The following NGLY1 variants were observed in gnomAD, a reference collection of about 807,000 sequenced individuals.
The protein encoded by NGLY1 is N-glycanase 1.
NGLY1 carries 68 observed loss-of-function variants against 84.6 expected under a neutral mutation model. The ratio of observed to expected loss-of-function variants is 0.80; its 90% CI spans 0.66 to 0.98. The LOEUF (loss-of-function observed/expected upper bound fraction) is 0.98, where lower values mean the gene tolerates loss of function less well. Ranked by LOEUF, NGLY1 falls within the 50% of genes least tolerant of loss-of-function variation. The pLI is 0.00. For missense variants in NGLY1, 779 were observed against 770.2 expected, an observed-to-expected ratio of 1.01 and a Z score of -0.14; for synonymous variants, 280 against 275.2, an observed-to-expected ratio of 1.02 and a Z score of -0.17.
At chr3:25,730,764 T>C (rs1419682861) in intron 9 of NGLY1, among the ~76,000 whole-genome samples, 1 of 152,150 alleles carries the variant, frequency 6.6e-6, no homozygotes, top group South Asian at 2.1e-4. Context: ...CATATTCTGT[T>C]ACTAGAGAAA....
chr3:25,726,172 A>G (rs954265691), intron 10 of NGLY1, among the ~76,000 whole-genome samples: 1 of 151,984 alleles, frequency 6.6e-6, no homozygotes, highest in African/African-American at 2.4e-5. Context: ...CACTCAACAA[A>G]GTGAGGTTCT....
chr3:25,763,707 TTAA>T (rs1707422402), intron 3 of NGLY1, among the ~76,000 whole-genome samples: 1 of 152,172 alleles, frequency 6.6e-6, no homozygotes, highest in Non-Finnish European at 1.5e-5. Flanking sequence ...ATGGTGTATA[TTAA>T]TAATAAAATT....
At chr3:25,789,420 G>C (rs1000290296) in intron 1 of NGLY1, among the ~76,000 whole-genome samples, 1 of 152,098 alleles carries the variant, frequency 6.6e-6, no homozygotes, top group Non-Finnish European at 1.5e-5. Context: ...GTTTATTGTA[G>C]AAAAGCTTTA....
chr3:25,781,645 C>G (rs2125327874), intron 1 of NGLY1, among the ~76,000 whole-genome samples: 2 of 152,290 alleles, frequency 1.3e-5, no homozygotes, highest in South Asian at 4.1e-4. Flanking sequence ...TGCAGTGAGT[C>G]AAGATCGCGC....
In NGLY1 at chr3:25,732,485, T is replaced by C; in HGVS notation, c.1261-2A>G. ...GTTTTCTGACAAAAACAGTTGCCTC[T>C]GTAATTCATGTTTTTTAAAAAAGTT... On this transcript the variant is annotated splice_acceptor_variant, in intron 8 of 11. Transcript: ENST00000280700. LOFTEE classifies it high-confidence loss of function. 2 of 1,609,344 alleles carry C rather than the reference T, an allele frequency of 1.2e-6. No homozygotes were observed. Among genetic ancestry groups the C allele is most frequent in the Non-Finnish European group, 8.5e-7 (1 of 1,178,108 alleles).
At chr3:25,781,783 C>T (rs1213894145) in intron 1 of NGLY1, among the ~76,000 whole-genome samples, 1 of 152,180 alleles carries the variant, frequency 6.6e-6, no homozygotes, top group Admixed American at 6.5e-5. Flanking sequence ...GCAAAGGTTT[C>T]CCCCTCATAC....
chr3:25,749,876 C>T, intron 4 of NGLY1: 1 of 879,868 alleles, frequency 1.1e-6, no homozygotes, highest in Non-Finnish European at 1.9e-6. Flanking sequence ...TGCCAGGCTG[C>T]ACAGCGAAGA....
At chr3:25,749,544 G>T (rs200829076) in intron 4 of NGLY1, 1 of 1,583,274 alleles carries the variant, frequency 6.3e-7, no homozygotes, top group South Asian at 1.1e-5. Flanking sequence ...GAACCAAGAA[G>T]TTCATCCGGC....
intron 4 of NGLY1, among the ~76,000 whole-genome samples, chr3:25,749,127 A>T (rs1046899086): frequency 3.3e-5 from 5 of 152,218 alleles, no homozygotes; most frequent in Non-Finnish European, 5.9e-5. Context: ...AAATTAGAAC[A>T]CTTGTGCACT....
intron 2 of NGLY1, among the ~76,000 whole-genome samples, chr3:25,775,510 C>T (rs888296239): frequency 3.3e-5 from 5 of 152,070 alleles, no homozygotes; most frequent in Admixed American, 1.3e-4. Flanking sequence ...AATGGAGGGA[C>T]ATTATGTTAA....
At chr3:25,740,821 T>C (rs766485154) in intron 4 of NGLY1, among the ~76,000 whole-genome samples, 49 of 152,080 alleles carry the variant, frequency 3.2e-4, no homozygotes, top group Non-Finnish European at 6.8e-4. Context: ...TTATAAAATA[T>C]TTTTTCATAA....
At chr3:25,758,317 T>C (rs1707139027) in intron 3 of NGLY1, among the ~76,000 whole-genome samples, 1 of 152,206 alleles carries the variant, frequency 6.6e-6, no homozygotes, top group South Asian at 2.1e-4. Flanking sequence ...GGCTTATGGC[T>C]ATAACCCTAG....
intron 5 of NGLY1, among the ~76,000 whole-genome samples, chr3:25,738,452 T>C (rs942209826): frequency 1.3e-5 from 2 of 152,054 alleles, no homozygotes; most frequent in Non-Finnish European, 2.9e-5. Flanking sequence ...TTTGAACTGA[T>C]AGAGCTGAGC....
Position 25,737,356 on chromosome 3 carries a change from AGCT to A in NGLY1, c.978_980del (p.Glu326_Ala327delinsAsp), listed in dbSNP as rs761634625. ...TACCTGTGTAATCCCAAACATAGCGAGCTTCAAACCCTACAGCTCGGCAGCACA... is the reference window on the plus strand; with the variant it reads ...TACCTGTGTAATCCCAAACATAGCGATCAAACCCTACAGCTCGGCAGCACA... On this transcript the variant is annotated inframe_deletion, in exon 6 of 12. Transcript: ENST00000280700. 32 of 1,613,172 alleles carry A rather than the reference AGCT, an allele frequency of 2.0e-5. No homozygotes were observed. Among genetic ancestry groups the A allele is most frequent in the Non-Finnish European group, 2.6e-5 (31 of 1,179,782 alleles).
At chr3:25,772,073 G>A (rs6789223) in intron 2 of NGLY1, among the ~76,000 whole-genome samples, 2,462 of 152,290 alleles carry the variant, frequency 0.016, 68 homozygotes, top group African/African-American at 0.056. Context: ...ATGTTGAATA[G>A]AAGTGGTGAA....
chr3:25,757,550 A>G lies in NGLY1; in HGVS notation c.493-6287T>C, dbSNP rs555964294. Among the ~76,000 whole-genome samples the G allele has an allele frequency of 1.2e-4, 19 of 152,378 alleles. No homozygotes were observed. In the East Asian group the frequency reaches 3.5e-3, roughly 28 times the overall value. ...TAAAAATTTGAGCTTAAAAGAAAAA[A>G]GACTACCGAATGGTAAAAACCAACT... On this transcript the variant is annotated intron_variant, in intron 3 of 11. Coordinates refer to ENST00000280700, the MANE Select transcript of NGLY1 (RefSeq NM_018297.4).
intron 10 of NGLY1, among the ~76,000 whole-genome samples, chr3:25,728,171 G>C (rs138897106): frequency 6.6e-6 from 1 of 152,152 alleles, no homozygotes; most frequent in Admixed American, 6.5e-5. Context: ...TGTTTAAGCA[G>C]CAAGATAAGT....
intron 9 of NGLY1, chr3:25,730,230 T>C (rs945745045): frequency 5.3e-5 from 8 of 152,098 alleles, no homozygotes; most frequent in South Asian, 2.1e-4. Flanking sequence ...CTGGAAATGA[T>C]AGTACCAATG....
At position 25,767,850 on chromosome 3, in the gene NGLY1, C is replaced by T. The variant is rs547958150; in HGVS notation, c.247-3539G>A. Among the ~76,000 whole-genome samples, 31 of 152,094 alleles carry T rather than the reference C, an allele frequency of 2.0e-4. No individual in the cohort carries two copies. In the South Asian group the frequency reaches 5.4e-3, roughly 26 times the overall value. ...ATTAGAGGCTGGGCGGGGTGGCTCACGCCTGTAATCCCAGCACTTTGGGGG... is the reference window on the plus strand; with the variant it reads ...ATTAGAGGCTGGGCGGGGTGGCTCATGCCTGTAATCCCAGCACTTTGGGGG... On this transcript the variant is annotated intron_variant, in intron 2 of 11. Coordinates refer to ENST00000280700, the MANE Select transcript of NGLY1 (RefSeq NM_018297.4).
Sources: allele counts gnomAD v4.1 joint callset (sites outside exome capture counted in the v4.1 genomes callset), GRCh38; gene constraint gnomAD v4.1.1; transcripts MANE v1.5; gene names NCBI Gene and HGNC (gene_info 2026-07-23, HGNC 2026-07-21).